The following SDK1 variants were observed in gnomAD, a reference collection of about 807,000 sequenced individuals.
SDK1 encodes sidekick cell adhesion molecule 1.
In SDK1, 157 loss-of-function variants were observed where a neutral mutation model predicts 245.5. That is an observed-to-expected ratio of 0.64 (90% confidence interval 0.56 to 0.73). The LOEUF is 0.73. Among genes scored for constraint, SDK1 ranks in the 30% least tolerant of loss-of-function variants. SDK1 has a pLI of 0.00. For missense variants in SDK1, 3,583 were observed against 3,002.3 expected (o/e 1.19, Z -4.52); for synonymous variants, 1,647 against 1,278.5 (o/e 1.29, Z -6.15).
At position 4,178,500 on chromosome 7, in the gene SDK1, G is replaced by A. The variant is rs753019500; in HGVS notation, c.5012G>A (p.Arg1671Gln). ...AACCCTGCAGATTTAAAGAAGTACC[G>A]GCGCTATGAAGTAATAATGACCGCC... ...MCELTHLKKY[R>Q]RYEVIMTAYN... The change falls in exon 35 of 45, where the codon CGG becomes CAG. Residue 1671 changes from arginine to glutamine, a missense_variant. Coordinates refer to ENST00000404826, the MANE Select transcript of SDK1 (RefSeq NM_152744.4). 2.0e-5 allele frequency: 33 copies of A among 1,613,196 alleles called. No homozygotes were observed. Among genetic ancestry groups the A allele is most frequent in the South Asian group, 4.4e-5 (4 of 91,060 alleles).
intron 1 of SDK1, among the ~76,000 whole-genome samples, chr7:3,409,961 A>G (rs1779155557): frequency 6.6e-6 from 1 of 152,180 alleles, no homozygotes; most frequent in Non-Finnish European, 1.5e-5. Flanking sequence ...AGTGCATACT[A>G]GCTACAGTGA....
intron 1 of SDK1, among the ~76,000 whole-genome samples, chr7:3,492,868 T>A (rs1195993675): frequency 6.6e-6 from 1 of 152,242 alleles, no homozygotes; most frequent in Non-Finnish European, 1.5e-5. Flanking sequence ...TTGATAAAGA[T>A]AAGAAAACAC....
chr7:3,635,974 C>T (rs1436283369), intron 2 of SDK1, among the ~76,000 whole-genome samples: 2 of 152,186 alleles, frequency 1.3e-5, no homozygotes, highest in Non-Finnish European at 2.9e-5. Context: ...AGCATCCAAT[C>T]CTCATGTCTT....
At chr7:4,233,668 C>T (rs947915666) in intron 41 of SDK1, among the ~76,000 whole-genome samples, 3 of 152,160 alleles carry the variant, frequency 2.0e-5, no homozygotes, top group South Asian at 2.1e-4. Flanking sequence ...GAAAGGGACA[C>T]ACATCTGCTG....
At chr7:4,244,973 A>G (rs537328203) in intron 43 of SDK1, among the ~76,000 whole-genome samples, 6 of 152,308 alleles carry the variant, frequency 3.9e-5, no homozygotes, top group African/African-American at 1.4e-4. Flanking sequence ...CCAGTCCGCC[A>G]AGATAGGGTC....
At chr7:3,670,827 A>C (rs1783678305) in intron 4 of SDK1, among the ~76,000 whole-genome samples, 1 of 152,182 alleles carries the variant, frequency 6.6e-6, no homozygotes, top group Non-Finnish European at 1.5e-5. Context: ...TACTGTTTTT[A>C]GGTATCCCCT....
At chr7:3,902,177 A>G (rs2128105710) in intron 5 of SDK1, among the ~76,000 whole-genome samples, 1 of 152,268 alleles carries the variant, frequency 6.6e-6, no homozygotes, top group African/African-American at 2.4e-5. Context: ...CAGACTCTTC[A>G]GTGGCTAGAA....
At chr7:4,139,509 GTATATA>G (rs1332294518) in intron 28 of SDK1, among the ~76,000 whole-genome samples, 4 of 119,040 alleles carry the variant, frequency 3.4e-5, no homozygotes, top group Non-Finnish European at 3.5e-5. Context: ...GTGTGTATAT[GTATATA>G]TGTGTGTGTA....
At chr7:3,702,242 C>A (rs888031728) in intron 4 of SDK1, among the ~76,000 whole-genome samples, 1 of 152,066 alleles carries the variant, frequency 6.6e-6, no homozygotes. Flanking sequence ...AGAAAGTGGC[C>A]ATATTTGGAA....
At position 4,075,550 on chromosome 7, in the gene SDK1, C is replaced by T. The variant is rs558238505; in HGVS notation, c.3011-1448C>T. 3.2e-4 allele frequency among the ~76,000 whole-genome samples: 48 copies of T among 152,154 alleles called. 1 individual carries two copies. The South Asian group carries it at 8.9e-3, about 28-fold the overall frequency. On this transcript the variant is annotated intron_variant, in intron 20 of 44. Transcript: ENST00000404826. ...TGCCTGTGGACCTATGAGCTCTTTC[C>T]ACCACTGTCTCCCTCTTTAAAAGAC...
At chr7:3,464,980 C>T (rs1405157098) in intron 1 of SDK1, among the ~76,000 whole-genome samples, 1 of 152,048 alleles carries the variant, frequency 6.6e-6, no homozygotes, top group Non-Finnish European at 1.5e-5. Context: ...CTTCGTGCTG[C>T]TAAGGCTAAC....
chr7:3,433,072 G>A (rs1159163311), intron 1 of SDK1, among the ~76,000 whole-genome samples: 2 of 152,166 alleles, frequency 1.3e-5, no homozygotes, highest in South Asian at 2.1e-4. Flanking sequence ...AGGATTCTTC[G>A]TGGTTGCAAA....
At chr7:3,506,530 C>G (rs1248567459) in intron 1 of SDK1, among the ~76,000 whole-genome samples, 1 of 152,120 alleles carries the variant, frequency 6.6e-6, no homozygotes, top group Non-Finnish European at 1.5e-5. Context: ...AAATGCTTTA[C>G]TCTCTTGACT....
intron 4 of SDK1, among the ~76,000 whole-genome samples, chr7:3,682,876 C>G (rs964784770): frequency 6.6e-6 from 1 of 152,004 alleles, no homozygotes; most frequent in Non-Finnish European, 1.5e-5. Context: ...GTAGCTGGGA[C>G]TACAGGGGCC....
Position 4,265,156 on chromosome 7 carries a change from C to G in SDK1, c.6414C>G (p.Pro2138=). 2 of 1,612,456 alleles carry G rather than the reference C, an allele frequency of 1.2e-6. No individual in the cohort carries two copies. The highest frequency in any genetic ancestry group is 1.7e-6 in the Non-Finnish European group (2 of 1,179,644). The change falls in exon 45 of 45, where the codon CCC becomes CCG. Residue 2138 remains proline, a synonymous_variant. Transcript: ENST00000404826. The stretch of plus-strand genomic sequence containing the variant: ...ACTCTGACTACGAGGACGCGCTGCC[C>G]AAGCACTCCTTCGTGAACCACTACA... ...ATDSDYEDAL[P]KHSFVNHYMS... is the part of the protein sequence containing the mutation.
chr7:4,196,978 C>G (rs948564011), intron 35 of SDK1, among the ~76,000 whole-genome samples: 1 of 152,254 alleles, frequency 6.6e-6, no homozygotes, highest in Non-Finnish European at 1.5e-5. Flanking sequence ...GGCTTGAACT[C>G]CAGCCTTGCT....
rs566669587 is a variant in SDK1, at chr7:3,687,908, T to G, written c.713+45803T>G. 3.9e-5 allele frequency among the ~76,000 whole-genome samples: 6 copies of G among 152,334 alleles called. No individual in the cohort carries two copies. The East Asian group carries it at 1.2e-3, about 29-fold the overall frequency. On this transcript the variant is annotated intron_variant, in intron 4 of 44. Coordinates refer to ENST00000404826, the MANE Select transcript of SDK1 (RefSeq NM_152744.4). ...GGTACCCAGGATTGCTGTATTTTTCTTACAGCTGCATGTGAATCTGTGTTA... is the reference window on the plus strand; with the variant it reads ...GGTACCCAGGATTGCTGTATTTTTCGTACAGCTGCATGTGAATCTGTGTTA...
chr7:3,807,858 A>G (rs1057051793), intron 4 of SDK1, among the ~76,000 whole-genome samples: 1 of 152,184 alleles, frequency 6.6e-6, no homozygotes, highest in African/African-American at 2.4e-5. Context: ...GGAGATAATA[A>G]CAGCAGCTAA....
At chr7:3,621,793 A>G (rs926992275) in intron 2 of SDK1, among the ~76,000 whole-genome samples, 6 of 152,162 alleles carry the variant, frequency 3.9e-5, no homozygotes, top group Non-Finnish European at 7.3e-5. Context: ...ACTATTAAAG[A>G]ATTCTTTTGA....
Sources: allele counts gnomAD v4.1 joint callset (sites outside exome capture counted in the v4.1 genomes callset), GRCh38; gene constraint gnomAD v4.1.1; transcripts MANE v1.5; gene names NCBI Gene and HGNC (gene_info 2026-07-23, HGNC 2026-07-21).